The following SIPA1L1 variants were observed in gnomAD, a reference collection of about 807,000 sequenced individuals.
SIPA1L1 encodes the protein signal-induced proliferation-associated 1-like protein 1.
In SIPA1L1, 26 loss-of-function variants were observed where a neutral mutation model predicts 162.7. That is an observed-to-expected ratio of 0.16 (90% CI 0.12 to 0.22). SIPA1L1 has a LOEUF of 0.22. SIPA1L1 is among the 10% of genes least tolerant of loss of function. SIPA1L1 has a pLI of 1.00. For synonymous variants in SIPA1L1, 829 were observed against 837.4 expected (o/e 0.99, Z 0.17); for missense variants, 1,874 against 2,241.0 (o/e 0.84, Z 3.31).
chr14:71,624,126 C>G lies in SIPA1L1; in HGVS notation c.1708C>G (p.Leu570Val). The change falls in exon 7 of 24, where the codon CTC (leucine) becomes GTC (valine). Residue 570 changes from leucine (L) to valine (V), a missense_variant. By Grantham distance (32) the Leu-to-Val change is conservative (BLOSUM62 1). This residue lies in a region of SIPA1L1 where 685 missense variants were observed against 828.0 expected (regional missense o/e 0.83). Coordinates refer to ENST00000381232, the MANE Select transcript of SIPA1L1 (RefSeq NM_001386936.1). ...AKHSTARGLP[L>V]KEVLEHVVPE... ...GCACTCGACAGCCAGAGGCCTGCCT[C>G]TCAAAGAAGTGCTGGAGCACGTGGT... 5 of 1,614,184 alleles carry G rather than the reference C, an allele frequency of 3.1e-6. No individual in the cohort carries two copies. The highest frequency in any genetic ancestry group is 4.2e-6 in the Non-Finnish European group (5 of 1,180,022).
intron 12 of SIPA1L1, among the ~76,000 whole-genome samples, chr14:71,673,539 TTA>T (rs2044751723): frequency 6.6e-6 from 1 of 152,188 alleles, no homozygotes; most frequent in Admixed American, 6.5e-5. Context: ...AAGTTAATGG[TTA>T]TGATAGGCTA....
chr14:71,476,008 A>G (rs2047818030), intron 2 of SIPA1L1, among the ~76,000 whole-genome samples: 1 of 152,236 alleles, frequency 6.6e-6, no homozygotes, highest in Non-Finnish European at 1.5e-5. Flanking sequence ...CATTTCTAGC[A>G]GGAGGTTTAC....
chr14:71,610,045 T>C (rs1248168580), intron 5 of SIPA1L1, among the ~76,000 whole-genome samples: 2 of 152,254 alleles, frequency 1.3e-5, no homozygotes, highest in Non-Finnish European at 2.9e-5. Context: ...GCAGCAGCTC[T>C]GTTAATTACC....
At chr14:71,419,235 G>GTT (rs34732746) in intron 2 of SIPA1L1, among the ~76,000 whole-genome samples, 6 of 142,632 alleles carry the variant, frequency 4.2e-5, no homozygotes, top group Non-Finnish European at 6.2e-5. Context: ...TTCTTTCAGG[G>GTT]TTTTTTTTTT....
intron 2 of SIPA1L1, among the ~76,000 whole-genome samples, chr14:71,503,114 G>C (rs1387335308): frequency 6.6e-6 from 1 of 152,138 alleles, no homozygotes; most frequent in African/African-American, 2.4e-5. Context: ...GATGAAGTTT[G>C]TATGTCTGAG....
rs543941028 is a variant in SIPA1L1 at position 71,394,827 on chromosome 14, G to A, written c.-465+73646G>A. ...CTTCGCCTGATGGATAAGCAGTAAG[G>A]AGAAGGATAGTTAAAATAATTTGTG... On this transcript the variant is annotated intron_variant, in intron 2 of 23. Coordinates refer to ENST00000381232, the MANE Select transcript of SIPA1L1 (RefSeq NM_001386936.1). Among the ~76,000 whole-genome samples the A allele has an allele frequency of 8.5e-5, 13 of 152,338 alleles. No individual in the cohort carries two copies. The South Asian group carries it at 2.5e-3, about 29-fold the overall frequency.
intron 2 of SIPA1L1, among the ~76,000 whole-genome samples, chr14:71,357,127 T>C (rs762951052): frequency 1.3e-5 from 2 of 152,160 alleles, no homozygotes; most frequent in Non-Finnish European, 2.9e-5. Context: ...TGATCGTAGC[T>C]CACAGCAGTC....
chr14:71,733,681 C>G lies in SIPA1L1; in HGVS notation c.4877C>G (p.Ser1626Trp). Residue 1626 changes from serine (S) to tryptophan (W), a missense_variant, in exon 21 of 24, where the codon TCG becomes TGG. Physicochemically the swap from Ser to Trp is radical, Grantham distance 177. Around this residue, in one of 5 missense-constraint regions of SIPA1L1, gnomAD observed 936 missense variants for 1,051.9 expected, o/e 0.89. Coordinates refer to ENST00000381232, the MANE Select transcript of SIPA1L1 (RefSeq NM_001386936.1). ...MKSLHGEFSA[S>W]DSSLTDIQET... is the part of the protein sequence containing the mutation. ...CTTCCCGCAGGAGAGTTCTCAGCCT[C>G]GGACAGCTCCCTCACTGACATCCAG... 2 of 1,613,848 alleles carry G rather than the reference C, an allele frequency of 1.2e-6. No homozygotes were observed. The highest frequency in any genetic ancestry group is 1.7e-6 in the Non-Finnish European group (2 of 1,179,984).
At chr14:71,596,256 A>T (rs2036014942) in intron 5 of SIPA1L1, among the ~76,000 whole-genome samples, 1 of 152,230 alleles carries the variant, frequency 6.6e-6, no homozygotes, top group Non-Finnish European at 1.5e-5. Flanking sequence ...GAGAAGCATT[A>T]CTAGAGCATT....
At chr14:71,609,884 C>A (rs946095375) in intron 5 of SIPA1L1, among the ~76,000 whole-genome samples, 1 of 152,050 alleles carries the variant, frequency 6.6e-6, no homozygotes, top group Non-Finnish European at 1.5e-5. Context: ...CCCCCCACCC[C>A]ACCCTGCCCT....
chr14:71,521,357 T>TTTCC lies in SIPA1L1; in HGVS notation c.-361-7955_-361-7954insTTCC, dbSNP rs1456717589. Among the ~76,000 whole-genome samples the TTTCC allele has an allele frequency of 2.2e-4, 33 of 152,312 alleles. 1 individual carries two copies. The East Asian group carries it at 6.0e-3, about 28-fold the overall frequency. On this transcript the variant is annotated intron_variant, in intron 3 of 23. Coordinates refer to ENST00000381232, the MANE Select transcript of SIPA1L1 (RefSeq NM_001386936.1). ...TGATGAGTGGACAGTTGTGCAGAAG[T>TTTCC]CTGATTGGGCAAAGGGAGTATGAGG...
At chr14:71,464,432 G>A (rs2046832079) in intron 2 of SIPA1L1, among the ~76,000 whole-genome samples, 2 of 152,174 alleles carry the variant, frequency 1.3e-5, no homozygotes, top group South Asian at 2.1e-4. Flanking sequence ...CACAAGATCA[G>A]GACTTCGAGA....
Position 71,654,776 on chromosome 14 carries a change from T to C in SIPA1L1, c.1994-3557T>C, listed in dbSNP as rs1383989762. ...AGTAGCATCATTCTTTCATCCTCCTTCTACAAGCACATTGTCCCTTTAGAG... is the reference window on the plus strand; with the variant it reads ...AGTAGCATCATTCTTTCATCCTCCTCCTACAAGCACATTGTCCCTTTAGAG... On this transcript the variant is annotated intron_variant, in intron 8 of 23. Coordinates refer to ENST00000381232, the MANE Select transcript of SIPA1L1 (RefSeq NM_001386936.1). Among the ~76,000 whole-genome samples the C allele has an allele frequency of 2.6e-5, 4 of 152,276 alleles. No homozygotes were observed. In the East Asian group the frequency reaches 5.8e-4, roughly 22 times the overall value.
At chr14:71,340,385 A>C (rs1401733630) in intron 2 of SIPA1L1, among the ~76,000 whole-genome samples, 1 of 151,852 alleles carries the variant, frequency 6.6e-6, no homozygotes, top group East Asian at 1.9e-4. Context: ...AATGACCATA[A>C]ATATCTTTTG....
At chr14:71,518,313 A>C (rs1242622693) in intron 3 of SIPA1L1, among the ~76,000 whole-genome samples, 2 of 152,134 alleles carry the variant, frequency 1.3e-5, no homozygotes, top group East Asian at 1.9e-4. Context: ...TATTTTTTAA[A>C]TGCAAGTCTT....
chr14:71,703,249 T>A (rs1156374486), intron 15 of SIPA1L1, among the ~76,000 whole-genome samples: 4 of 152,214 alleles, frequency 2.6e-5, no homozygotes, highest in Admixed American at 2.6e-4. Flanking sequence ...TTTTCCTCCT[T>A]TGTTTAATCT....
At chr14:71,439,217 A>G (rs1469458745) in intron 2 of SIPA1L1, among the ~76,000 whole-genome samples, 1 of 152,110 alleles carries the variant, frequency 6.6e-6, no homozygotes, top group Non-Finnish European at 1.5e-5. Flanking sequence ...ATTAAACCCA[A>G]GCCTCTTTTT....
intron 19 of SIPA1L1, among the ~76,000 whole-genome samples, chr14:71,725,147 A>G (rs1334888761): frequency 6.6e-6 from 1 of 152,170 alleles, no homozygotes; most frequent in African/African-American, 2.4e-5. Flanking sequence ...CTTCTTGGAA[A>G]CTGTGCAGAG....
At chr14:71,474,555 CA>C (rs1315512883) in intron 2 of SIPA1L1, among the ~76,000 whole-genome samples, 2 of 152,220 alleles carry the variant, frequency 1.3e-5, no homozygotes, top group Non-Finnish European at 2.9e-5. Flanking sequence ...AAAAAGGTCT[CA>C]ATCTTGTGCC....
Sources: gnomAD v4.1 joint callset for allele counts (sites outside exome capture counted in the v4.1 genomes callset) on GRCh38, gnomAD v4.1.1 for gene constraint, gnomAD v4.1.1 regional missense constraint, MANE v1.5 for transcripts, NCBI Gene and HGNC (gene_info 2026-07-23, HGNC 2026-07-21) for gene names.